Variants in ARL5A observed in about 807,000 individuals in gnomAD.
ARL5A encodes the protein ARF like GTPase 5A.
In ARL5A, 18 loss-of-function variants were observed where a neutral mutation model predicts 25.9. The observed-to-expected ratio is 0.69, with a 90% CI of 0.48 to 1.03. The LOEUF (loss-of-function observed/expected upper bound fraction) is 1.03. ARL5A is among the 50% of genes least tolerant of loss of function. The pLI, the probability that ARL5A is intolerant of heterozygous loss-of-function variation, is 0.00. For synonymous variants in ARL5A, 61 were observed against 67.5 expected, an observed-to-expected ratio of 0.90 and a Z score of 0.47; for missense variants, 170 against 211.9, an observed-to-expected ratio of 0.80 and a Z score of 1.23.
rs2099831234 is a variant in ARL5A at position 151,814,430 on chromosome 2, T to C, written c.108-114A>G. On this transcript the variant is annotated intron_variant, in intron 2 of 5. Coordinates refer to ENST00000295087, the MANE Select transcript of ARL5A (RefSeq NM_012097.4). Reference sequence around the variant, plus strand: ...TCCTTTTATAATTTATACCTAAATATCTTTTTCCCACTAGTTTACAACATG... The same window carrying C: ...TCCTTTTATAATTTATACCTAAATACCTTTTTCCCACTAGTTTACAACATG... 4 of 836,642 alleles carry C rather than the reference T, an allele frequency of 4.8e-6. No homozygotes were observed. In the East Asian group the frequency reaches 1.1e-4, roughly 24 times the overall value. The allele number at this position is 836,642 out of a possible 1,614,324, so 51.8% of individuals were successfully genotyped here.
intron 4 of ARL5A, 76 bp from the exon 5 acceptor site, chr2:151,807,048 C>A: frequency 7.3e-7 from 1 of 1,362,132 alleles, no homozygotes; most frequent in South Asian, 1.4e-5. Flanking sequence ...GAATCTTTTT[C>A]ACAATCTTAG....
chr2:151,806,853 A>G lies in ARL5A; in HGVS notation c.459T>C (p.His153=). ...KLTSIKDHQW[H]IQACCALTGE... ...CAGTTAGAGCACAGCATGCCTGGAT[A>G]TGCCACTGGTGATCTTTAATAGAAG... is the stretch of plus-strand genomic sequence containing the variant. Residue 153 remains histidine, a synonymous_variant, in exon 5 of 6, where the codon CAT becomes CAC. Coordinates refer to ENST00000295087, the MANE Select transcript of ARL5A (RefSeq NM_012097.4). The G allele has an allele frequency of 6.2e-7, 1 of 1,612,786 alleles. No individual in the cohort carries two copies. Among genetic ancestry groups the G allele is most frequent in the East Asian group, 2.2e-5 (1 of 44,852 alleles).
At position 151,802,417 on chromosome 2, in the gene ARL5A, A is replaced by G. The variant is rs1306358311; in HGVS notation, c.*859T>C. 1.3e-5 allele frequency: 2 copies of G among 152,112 alleles called. No homozygotes were observed. Among genetic ancestry groups the G allele is most frequent in the Non-Finnish European group, 2.9e-5 (2 of 67,960 alleles). 9.4% of individuals were successfully genotyped at this position (152,112 alleles called of 1,614,324 possible). On this transcript the variant is annotated 3_prime_UTR_variant, in exon 6 of 6. Transcript: ENST00000295087. ...TTAATGGATTAATAATTTATTCAGT[A>G]ATTTAGATGCCATAAGAACCACTGA...
At chr2:151,813,358 C>T (rs114304112) in intron 3 of ARL5A, among the ~76,000 whole-genome samples, 1,862 of 152,232 alleles carry the variant, frequency 0.012, 40 homozygotes, top group African/African-American at 0.043. Flanking sequence ...CACTGTAAGG[C>T]CCATTTTATT....
intron 4 of ARL5A, among the ~76,000 whole-genome samples, chr2:151,811,139 G>A (rs975280110): frequency 3.3e-5 from 5 of 151,986 alleles, no homozygotes; most frequent in Non-Finnish European, 7.4e-5. Flanking sequence ...TGGTCATAAG[G>A]AAATGAGGAA....
intron 1 of ARL5A, among the ~76,000 whole-genome samples, chr2:151,816,062 CCA>C (rs1030797845): frequency 1.3e-5 from 2 of 152,156 alleles, no homozygotes; most frequent in Non-Finnish European, 2.9e-5. Context: ...TACTTTTAAC[CCA>C]CAGATGCAGC....
At chr2:151,815,443 G>A (rs2099831373) in intron 1 of ARL5A, among the ~76,000 whole-genome samples, 1 of 152,100 alleles carries the variant, frequency 6.6e-6, no homozygotes. Flanking sequence ...ACCTCTCTAG[G>A]AAGCCATGGC....
At chr2:151,817,152 A>C (rs182613933) in intron 1 of ARL5A, among the ~76,000 whole-genome samples, 23 of 152,324 alleles carry the variant, frequency 1.5e-4, no homozygotes, top group Non-Finnish European at 2.9e-4. Context: ...GGTATCACTA[A>C]ATGTCGGAAT....
At position 151,828,286 on chromosome 2, in the gene ARL5A, T is replaced by C. The variant is rs2099833374; in HGVS notation, c.-110A>G. 1.0e-6 allele frequency: 1 copy of C among 977,270 alleles called. No homozygotes were observed. The highest frequency in any genetic ancestry group is 1.5e-6 in the Non-Finnish European group (1 of 665,360). 60.5% of individuals were successfully genotyped at this position (977,270 alleles called of 1,614,324 possible). A position where few individuals can be genotyped will look rare whatever the true frequency, so the allele number is the denominator to read the frequency against. ...CTGGAGCCTCCGCCTCTGCTGCTGCTCCCGCGCTGGTCGCGGGCCCGCTTC... is the reference window on the plus strand; with the variant it reads ...CTGGAGCCTCCGCCTCTGCTGCTGCCCCCGCGCTGGTCGCGGGCCCGCTTC... On this transcript the variant is annotated 5_prime_UTR_variant, in exon 1 of 6. Transcript: ENST00000295087.
Position 151,812,351 on chromosome 2 carries a change from AC to A in ARL5A, c.339+5del. On this transcript the variant is annotated splice_donor_5th_base_variant and intron_variant, in intron 4 of 5. Transcript: ENST00000295087. Reference sequence around the variant, plus strand: ...CATATCTAATGTAAAAAGACTACTTACTTACCTCATGCGCTAACATTTTATA... The same window carrying A: ...CATATCTAATGTAAAAAGACTACTTATTACCTCATGCGCTAACATTTTATA... The A allele has an allele frequency of 6.3e-7, 1 of 1,583,030 alleles. No homozygotes were observed. Among genetic ancestry groups the A allele is most frequent in the Non-Finnish European group, 8.6e-7 (1 of 1,162,150 alleles).
At chr2:151,821,009 T>C (rs1038994442) in intron 1 of ARL5A, among the ~76,000 whole-genome samples, 12 of 152,164 alleles carry the variant, frequency 7.9e-5, no homozygotes, top group African/African-American at 2.9e-4. Flanking sequence ...TAGATAAACA[T>C]GATGAAAAAG....
chr2:151,826,239 T>A (rs1367021707), intron 1 of ARL5A, among the ~76,000 whole-genome samples: 1 of 152,206 alleles, frequency 6.6e-6, no homozygotes, highest in East Asian at 1.9e-4. Context: ...AAATAAATAA[T>A]TTATTCACAC....
chr2:151,806,376 T>C (rs972843727), intron 5 of ARL5A, among the ~76,000 whole-genome samples: 1 of 152,192 alleles, frequency 6.6e-6, no homozygotes, highest in African/African-American at 2.4e-5. Context: ...CTCTTTGATT[T>C]GAGCTTCTTT....
intron 1 of ARL5A, among the ~76,000 whole-genome samples, chr2:151,822,586 C>T (rs1228551096): frequency 2.0e-5 from 3 of 152,198 alleles, no homozygotes; most frequent in East Asian, 1.9e-4. Context: ...TAATGCACTT[C>T]GAAATAAAGA....
intron 1 of ARL5A, among the ~76,000 whole-genome samples, chr2:151,825,716 A>G (rs2099832957): frequency 1.3e-5 from 2 of 152,180 alleles, no homozygotes; most frequent in Admixed American, 1.3e-4. Context: ...CTCCCGAAAC[A>G]TACTTTCCAA....
Position 151,828,256 on chromosome 2 carries a change from A to G in ARL5A, c.-80T>C. The G allele has an allele frequency of 7.6e-7, 1 of 1,317,540 alleles. No individual in the cohort carries two copies. Among genetic ancestry groups the G allele is most frequent in the Non-Finnish European group, 1.1e-6 (1 of 932,820 alleles). The allele number at this position is 1,317,540 out of a possible 1,614,324, so 81.6% of individuals were successfully genotyped here. ...GCTCAGGCTGAGGGGGAGGAGAGAGACGCGCTGGAGCCTCCGCCTCTGCTG... is the reference window on the plus strand; with the variant it reads ...GCTCAGGCTGAGGGGGAGGAGAGAGGCGCGCTGGAGCCTCCGCCTCTGCTG... On this transcript the variant is annotated 5_prime_UTR_variant, in exon 1 of 6. Coordinates refer to ENST00000295087, the MANE Select transcript of ARL5A (RefSeq NM_012097.4).
At chr2:151,827,938 C>T in intron 1 of ARL5A, 193 bp downstream of exon 1, 1 of 589,206 alleles carries the variant, frequency 1.7e-6, no homozygotes, top group East Asian at 3.3e-5. Context: ...CAAAGGGCTG[C>T]GAGTCAGGAA....
chr2:151,828,022 C>A (rs2099833318), intron 1 of ARL5A, 109 bp downstream of exon 1: 1 of 1,229,552 alleles, frequency 8.1e-7, no homozygotes, highest in Non-Finnish European at 1.2e-6. Context: ...CCGCGCTGAG[C>A]TGGCGCCCGA....
rs1202312547 is a variant in ARL5A at position 151,800,912 on chromosome 2, C to G, written c.*2364G>C. Reference sequence around the variant, plus strand: ...ACGAGATGTTTTCACTCAGAAGTGGCATATTAAAAACCCAAAAGCATCTCC... The same window carrying G: ...ACGAGATGTTTTCACTCAGAAGTGGGATATTAAAAACCCAAAAGCATCTCC... On this transcript the variant is annotated 3_prime_UTR_variant, in exon 6 of 6. Coordinates refer to ENST00000295087, the MANE Select transcript of ARL5A (RefSeq NM_012097.4). The G allele has an allele frequency of 6.6e-6, 1 of 152,538 alleles. No individual in the cohort carries two copies. The highest frequency in any genetic ancestry group is 1.5e-5 in the Non-Finnish European group (1 of 68,004). 9.4% of individuals were successfully genotyped at this position (152,538 alleles called of 1,614,324 possible).
Sources: allele counts gnomAD v4.1 joint callset (sites outside exome capture counted in the v4.1 genomes callset), GRCh38; gene constraint gnomAD v4.1.1; transcripts MANE v1.5; gene names NCBI Gene and HGNC (gene_info 2026-07-23, HGNC 2026-07-21).